PRKN: variants seen among roughly 807,000 people sequenced by gnomAD.
PRKN encodes the protein E3 ubiquitin-protein ligase parkin.
PRKN carries 56 observed loss-of-function variants against 59.5 expected under a neutral mutation model. That is an observed-to-expected ratio of 0.94 (90% CI 0.76 to 1.18). The LOEUF is 1.18. Among genes scored for constraint, PRKN ranks in the 50% most tolerant of loss-of-function variants. PRKN has a pLI of 0.00. For synonymous variants in PRKN, 250 were observed against 222.1 expected (o/e 1.13, Z -1.12); for missense variants, 657 against 596.4 (o/e 1.10, Z -1.06).
chr6:161,732,452 T>C (rs13218131), intron 7 of PRKN, among the ~76,000 whole-genome samples: 1 of 149,130 alleles, frequency 6.7e-6, no homozygotes, highest in South Asian at 2.1e-4. Flanking sequence ...GTTCTCATTG[T>C]TCAGCTTGCA....
At chr6:162,015,892 G>C (rs1288342272) in intron 5 of PRKN, among the ~76,000 whole-genome samples, 1 of 152,138 alleles carries the variant, frequency 6.6e-6, no homozygotes, top group African/African-American at 2.4e-5. Flanking sequence ...GATATTCTTA[G>C]AGATGGAAAT....
chr6:162,358,848 T>G (rs1282184616), intron 2 of PRKN, among the ~76,000 whole-genome samples: 3 of 151,830 alleles, frequency 2.0e-5, no homozygotes, highest in African/African-American at 7.3e-5. Context: ...TCACTTGAAG[T>G]CAGGAGTTGG....
chr6:161,674,123 AGG>A (rs1167060645), intron 7 of PRKN, among the ~76,000 whole-genome samples: 1 of 152,110 alleles, frequency 6.6e-6, no homozygotes. Flanking sequence ...AAGGGGGAGA[AGG>A]GGTCTAAGAC....
intron 1 of PRKN, among the ~76,000 whole-genome samples, chr6:162,585,056 G>A (rs959445656): frequency 3.3e-5 from 5 of 150,338 alleles, no homozygotes; most frequent in South Asian, 2.1e-4. Context: ...GCCTGCCACC[G>A]TGCCAAGCTA....
At chr6:162,418,716 A>G (rs1788787502) in intron 2 of PRKN, among the ~76,000 whole-genome samples, 1 of 149,894 alleles carries the variant, frequency 6.7e-6, no homozygotes, top group African/African-American at 2.5e-5. Flanking sequence ...GGGCAGATGG[A>G]CCCAGTGGCT....
chr6:161,887,953 TCA>T (rs1795215768), intron 6 of PRKN, among the ~76,000 whole-genome samples: 1 of 152,168 alleles, frequency 6.6e-6, no homozygotes, highest in Non-Finnish European at 1.5e-5. Context: ...AATAATTGTG[TCA>T]GTTATGAAAA....
intron 5 of PRKN, among the ~76,000 whole-genome samples, chr6:162,048,625 G>T (rs1777487026): frequency 6.6e-6 from 1 of 151,302 alleles, no homozygotes. Flanking sequence ...TAAGGCCAGT[G>T]TGTCCAATCT....
intron 6 of PRKN, among the ~76,000 whole-genome samples, chr6:161,797,640 T>C (rs1790907134): frequency 1.3e-5 from 2 of 152,024 alleles, no homozygotes; most frequent in Non-Finnish European, 2.9e-5. Context: ...AAATGAGGAG[T>C]CTGCCGAAAA....
chr6:162,138,792 A>G (rs1283684519), intron 4 of PRKN, among the ~76,000 whole-genome samples: 2 of 152,178 alleles, frequency 1.3e-5, no homozygotes, highest in African/African-American at 4.8e-5. Context: ...ATAATGCAGA[A>G]GGGAAAAAGG....
Position 161,409,070 on chromosome 6 carries a change from C to G in PRKN, c.1084-22193G>C, listed in dbSNP as rs1168230875. ...AAGCGATTCTCCTGCCTCAGCCTCC[C>G]AAGTAACTAGGACTACAGGCTCCCA... On this transcript the variant is annotated intron_variant, in intron 9 of 11. Transcript: ENST00000366898. This position sits in a 1 kb window ranked among gnomAD's most constrained non-coding sequence, Gnocchi z 4.6. 6.6e-6 allele frequency among the ~76,000 whole-genome samples: 1 copy of G among 152,114 alleles called. No individual in the cohort carries two copies. The highest frequency in any genetic ancestry group is 1.5e-5 in the Non-Finnish European group (1 of 68,026).
At chr6:162,410,615 G>C (rs541459751) in intron 2 of PRKN, among the ~76,000 whole-genome samples, 1 of 152,308 alleles carries the variant, frequency 6.6e-6, no homozygotes, top group African/African-American at 2.4e-5. Context: ...ATGAGGAAAG[G>C]AGAGCAGAGG....
chr6:162,438,832 C>T (rs555508198), intron 2 of PRKN, among the ~76,000 whole-genome samples: 16 of 152,168 alleles, frequency 1.1e-4, no homozygotes, highest in Admixed American at 5.9e-4. Flanking sequence ...CTTTATGTCT[C>T]TTGCAAACTT....
At position 161,409,979 on chromosome 6, in the gene PRKN, T is replaced by C. The variant is rs1247598833; in HGVS notation, c.1084-23102A>G. Among the ~76,000 whole-genome samples, 3 of 152,184 alleles carry C rather than the reference T, an allele frequency of 2.0e-5. No homozygotes were observed. The highest frequency in any genetic ancestry group is 2.9e-5 in the Non-Finnish European group (2 of 68,042). On this transcript the variant is annotated intron_variant, in intron 9 of 11. Transcript: ENST00000366898. The surrounding 1 kb of genome is among the most constrained non-coding windows in gnomAD (Gnocchi z 4.6). ...TTTGAAACAGGAAGATTAAATTCTG[T>C]CTCATGTGTATCATGAATAAAAGTG...
At chr6:162,631,156 G>T (rs1218438470) in intron 1 of PRKN, among the ~76,000 whole-genome samples, 1 of 152,062 alleles carries the variant, frequency 6.6e-6, no homozygotes, top group Non-Finnish European at 1.5e-5. Flanking sequence ...AATGTTTCTG[G>T]AGGAAAATAA....
intron 3 of PRKN, among the ~76,000 whole-genome samples, chr6:162,215,692 T>C (rs1777616259): frequency 6.6e-6 from 1 of 152,094 alleles, no homozygotes; most frequent in South Asian, 2.1e-4. Context: ...TCTAATTGGC[T>C]TTGGAGTTGA....
At chr6:161,991,260 A>C (rs907340469) in intron 5 of PRKN, among the ~76,000 whole-genome samples, 3 of 152,208 alleles carry the variant, frequency 2.0e-5, no homozygotes, top group African/African-American at 7.2e-5. Flanking sequence ...TACATCTGGA[A>C]GGAAAAGGAC....
intron 4 of PRKN, among the ~76,000 whole-genome samples, chr6:162,088,797 G>A (rs896235361): frequency 5.3e-5 from 8 of 152,094 alleles, no homozygotes; most frequent in East Asian, 1.9e-4. Context: ...TATTTGATTC[G>A]TTTTCAACAG....
intron 7 of PRKN, among the ~76,000 whole-genome samples, chr6:161,760,160 C>T (rs911132759): frequency 1.6e-5 from 2 of 126,882 alleles, no homozygotes; most frequent in Admixed American, 8.4e-5. Context: ...TACCCTTTTC[C>T]TCAATTTAAT....
At chr6:161,759,631 C>T (rs927958076) in intron 7 of PRKN, among the ~76,000 whole-genome samples, 4 of 152,176 alleles carry the variant, frequency 2.6e-5, no homozygotes, top group Admixed American at 6.5e-5. Context: ...ATGTCACTAA[C>T]ATAGATTACA....
Sources: allele counts gnomAD v4.1 joint callset (sites outside exome capture counted in the v4.1 genomes callset), GRCh38; gene constraint gnomAD v4.1.1; non-coding constraint Gnocchi (gnomAD v3.1); transcripts MANE v1.5; gene names NCBI Gene and HGNC (gene_info 2026-07-23, HGNC 2026-07-21).